Variants in ZNF469 observed in about 807,000 individuals in gnomAD.
ZNF469 encodes the protein zinc finger protein 469.
A neutral mutation model predicts 1.0 loss-of-function variants in ZNF469; 1 was observed. The observed-to-expected ratio is 1.00, with a 90% confidence interval of 0.35 to 4.73. The LOEUF is 4.73. Ranked by LOEUF, ZNF469 falls within the 30% of genes most tolerant of loss-of-function variation. The probability of loss-of-function intolerance (pLI) is 0.16; values close to 1 mark genes in which losing one functional copy is unlikely to be tolerated. For missense variants in ZNF469, 6,100 were observed against 5,356.3 expected, an observed-to-expected ratio of 1.14 and a Z score of -4.33; for synonymous variants, 2,703 against 2,363.4, an observed-to-expected ratio of 1.14 and a Z score of -4.17.
rs1275912402 is a variant in ZNF469, at chr16:88,436,528, C to A, written c.9058C>A (p.Pro3020Thr). The A allele has an allele frequency of 6.5e-7, 1 of 1,548,964 alleles. No homozygotes were observed. ...SSSLGDVSPE[P>T]PSLERERCDG... is the part of the protein sequence containing the mutation. ...TTCTCTCGGAGATGTGAGCCCCGAG[C>A]CCCCCAGCCTGGAGAGAGAACGCTG... Residue 3020 changes from proline to threonine, a missense_variant, in exon 3 of 3, where the codon CCC becomes ACC. Physicochemically the swap from Pro to Thr is conservative, Grantham distance 38. Coordinates refer to ENST00000565624, the MANE Select transcript of ZNF469 (RefSeq NM_001367624.2).
the ZNF469 span, among the ~76,000 whole-genome samples, chr16:88,190,602 T>A: frequency 3.3e-5 from 5 of 152,134 alleles, no homozygotes; most frequent in Non-Finnish European, 7.4e-5. Flanking sequence ...AATGGGGAGC[T>A]ATTGAAGACT....
chr16:88,153,669 T>A, the ZNF469 span, among the ~76,000 whole-genome samples: 1 of 152,192 alleles, frequency 6.6e-6, no homozygotes, highest in East Asian at 1.9e-4. Flanking sequence ...CAGCCCCGGG[T>A]GCCTGAGGCA....
the ZNF469 span, among the ~76,000 whole-genome samples, chr16:88,344,979 A>T: frequency 6.6e-6 from 1 of 152,148 alleles, no homozygotes; most frequent in Non-Finnish European, 1.5e-5. Context: ...TATCCATCAC[A>T]GAAGTCGCCC....
At chr16:88,244,405 A>ATGGG in the ZNF469 span, among the ~76,000 whole-genome samples, 1 of 141,556 alleles carries the variant, frequency 7.1e-6, no homozygotes, top group South Asian at 2.3e-4. Flanking sequence ...GGATGGATGG[A>ATGGG]TGGATGGATG....
At chr16:88,180,707 G>A in the ZNF469 span, among the ~76,000 whole-genome samples, 1 of 152,106 alleles carries the variant, frequency 6.6e-6, no homozygotes, top group African/African-American at 2.4e-5. Flanking sequence ...CCATGAGATG[G>A]AAGTTGCAGT....
chr16:88,334,720 G>T, the ZNF469 span, among the ~76,000 whole-genome samples: 4 of 152,254 alleles, frequency 2.6e-5, no homozygotes, highest in Admixed American at 2.6e-4. Context: ...CCAGGGTGGG[G>T]CCTAAATCCT....
the ZNF469 span, among the ~76,000 whole-genome samples, chr16:88,202,520 T>C: frequency 6.6e-6 from 1 of 152,106 alleles, no homozygotes; most frequent in African/African-American, 2.4e-5. Flanking sequence ...CTGTCTCTTA[T>C]CCATCATCAT....
intron 1 of ZNF469, among the ~76,000 whole-genome samples, chr16:88,387,374 G>A (rs1253172796): frequency 1.3e-5 from 2 of 152,122 alleles, no homozygotes; most frequent in Non-Finnish European, 2.9e-5. Context: ...GGGTGGGAGC[G>A]GCGGGCAGGA....
the ZNF469 span, among the ~76,000 whole-genome samples, chr16:88,316,299 C>T: frequency 7.9e-4 from 121 of 152,270 alleles, no homozygotes; most frequent in East Asian, 0.021. Context: ...CTGGTCTGCC[C>T]GCCAGCATCT....
chr16:88,204,865 G>A, the ZNF469 span, among the ~76,000 whole-genome samples: 6 of 152,198 alleles, frequency 3.9e-5, no homozygotes, highest in Non-Finnish European at 7.3e-5. Flanking sequence ...AAAAGGGGGT[G>A]ATTGCTCTGA....
At chr16:88,325,158 GACATACACA>G in the ZNF469 span, among the ~76,000 whole-genome samples, 1 of 86,312 alleles carries the variant, frequency 1.2e-5, no homozygotes, top group African/African-American at 4.3e-5. Context: ...CAGCAGCTGC[GACATACACA>G]GGGCCTCAAG....
At chr16:88,188,298 G>A in the ZNF469 span, among the ~76,000 whole-genome samples, 4 of 151,976 alleles carry the variant, frequency 2.6e-5, no homozygotes. Flanking sequence ...GTGTAACTGT[G>A]CATCTCACTT....
At chr16:88,300,651 A>C in the ZNF469 span, among the ~76,000 whole-genome samples, 1 of 152,088 alleles carries the variant, frequency 6.6e-6, no homozygotes, top group African/African-American at 2.4e-5. Context: ...CCCTTGGAAT[A>C]ATGAACAAGT....
chr16:88,218,814 G>C, the ZNF469 span, among the ~76,000 whole-genome samples: 1 of 150,120 alleles, frequency 6.7e-6, no homozygotes, highest in Non-Finnish European at 1.5e-5. Context: ...ATTAGGAAAA[G>C]AGGAAGTCAA....
chr16:88,115,317 A>G, the ZNF469 span, among the ~76,000 whole-genome samples: 1 of 152,192 alleles, frequency 6.6e-6, no homozygotes, highest in East Asian at 1.9e-4. Flanking sequence ...TCATAATCAG[A>G]AAAACACATT....
the ZNF469 span, among the ~76,000 whole-genome samples, chr16:88,350,450 C>T: frequency 2.6e-3 from 399 of 152,360 alleles, 1 homozygote; most frequent in African/African-American, 9.1e-3. Context: ...CACCAGCTCT[C>T]GCCTGGGCTG....
At chr16:88,311,334 C>G in the ZNF469 span, among the ~76,000 whole-genome samples, 1 of 152,162 alleles carries the variant, frequency 6.6e-6, no homozygotes, top group Non-Finnish European at 1.5e-5. Context: ...TATCCAAACC[C>G]TGGAGCTCGA....
chr16:88,120,732 T>G, the ZNF469 span, among the ~76,000 whole-genome samples: 2 of 152,180 alleles, frequency 1.3e-5, no homozygotes, highest in African/African-American at 4.8e-5. Context: ...GTGGAAGGCC[T>G]GAGCCCCGGG....
At chr16:88,243,597 A>C in the ZNF469 span, among the ~76,000 whole-genome samples, 2 of 152,124 alleles carry the variant, frequency 1.3e-5, no homozygotes, top group African/African-American at 4.8e-5. Flanking sequence ...TGGTCCCTGC[A>C]TGTACGTTAG....
Sources: allele counts gnomAD v4.1 joint callset (sites outside exome capture counted in the v4.1 genomes callset), GRCh38; gene constraint gnomAD v4.1.1; transcripts MANE v1.5; gene names NCBI Gene and HGNC (gene_info 2026-07-23, HGNC 2026-07-21).